AK5: variants seen among roughly 807,000 people sequenced by gnomAD.
AK5 encodes adenylate kinase 5, also known as adenylate kinase isoenzyme 5.
Under a neutral mutation model 69.5 loss-of-function variants are expected in AK5, and 27 were observed. The ratio of observed to expected loss-of-function variants is 0.39; its 90% CI spans 0.29 to 0.54. The LOEUF (loss-of-function observed/expected upper bound fraction) is 0.54. Among genes scored for constraint, AK5 ranks in the 20% least tolerant of loss-of-function variants. The probability of loss-of-function intolerance (pLI) is 0.71; values close to 1 mark genes in which losing one functional copy is unlikely to be tolerated. For synonymous variants in AK5, 260 were observed against 244.4 expected, an observed-to-expected ratio of 1.06 and a Z score of -0.60; for missense variants, 531 against 700.4, an observed-to-expected ratio of 0.76 and a Z score of 2.73.
chr1:77,339,304 C>T (rs1661527067), intron 5 of AK5, among the ~76,000 whole-genome samples: 1 of 152,130 alleles, frequency 6.6e-6, no homozygotes, highest in African/African-American at 2.4e-5. Context: ...TTGCCTCGTC[C>T]CATTCTCAGT....
intron 5 of AK5, among the ~76,000 whole-genome samples, chr1:77,316,596 T>C (rs1257615408): frequency 6.6e-6 from 1 of 152,170 alleles, no homozygotes; most frequent in Admixed American, 6.5e-5. Flanking sequence ...GGGAGACAAA[T>C]TTGATTTCCT....
intron 10 of AK5, among the ~76,000 whole-genome samples, chr1:77,509,695 T>G (rs902421090): frequency 1.4e-4 from 21 of 152,214 alleles, no homozygotes; most frequent in African/African-American, 4.8e-4. Flanking sequence ...CAAAAGATAT[T>G]TGATCCTCTC....
At chr1:77,449,230 G>C (rs773662066) in intron 8 of AK5, among the ~76,000 whole-genome samples, 25 of 152,140 alleles carry the variant, frequency 1.6e-4, no homozygotes, top group Non-Finnish European at 3.4e-4. Flanking sequence ...AGAAGAGGGG[G>C]GTATACCCTG....
chr1:77,380,073 A>G (rs1196308685), intron 6 of AK5, among the ~76,000 whole-genome samples: 2 of 152,224 alleles, frequency 1.3e-5, no homozygotes, highest in Non-Finnish European at 2.9e-5. Context: ...GAATACTATT[A>G]AGAAGGCAGA....
intron 6 of AK5, among the ~76,000 whole-genome samples, chr1:77,347,919 A>G (rs910049067): frequency 7.9e-5 from 12 of 152,138 alleles, no homozygotes; most frequent in Non-Finnish European, 1.5e-4. Context: ...AAAGCAAACC[A>G]AATGACTCAG....
At chr1:77,505,711 AAAAT>A (rs1333789493) in intron 10 of AK5, among the ~76,000 whole-genome samples, 2 of 151,564 alleles carry the variant, frequency 1.3e-5, no homozygotes, top group African/African-American at 4.9e-5. Context: ...TACTAAAAAT[AAAAT>A]AAAGTAAAAA....
At chr1:77,409,607 T>C (rs1251095291) in intron 6 of AK5, among the ~76,000 whole-genome samples, 2 of 152,202 alleles carry the variant, frequency 1.3e-5, no homozygotes, top group East Asian at 3.8e-4. Flanking sequence ...TCTTGTAAAT[T>C]TGTTTAAGTT....
chr1:77,291,087 G>T (rs778192177), intron 2 of AK5, among the ~76,000 whole-genome samples: 29 of 152,146 alleles, frequency 1.9e-4, no homozygotes, highest in Non-Finnish European at 3.4e-4. Flanking sequence ...TTGTACCAGG[G>T]AACAGAGAAG....
At chr1:77,485,889 G>A in intron 9 of AK5, among the ~76,000 whole-genome samples, 1 of 152,184 alleles carries the variant, frequency 6.6e-6, no homozygotes. Flanking sequence ...GGCCAAGGCA[G>A]GTGGATCACT....
intron 8 of AK5, among the ~76,000 whole-genome samples, chr1:77,444,758 T>C (rs988349308): frequency 2.7e-5 from 4 of 148,474 alleles, no homozygotes; most frequent in Middle Eastern, 3.5e-3. Context: ...TCTGTAGAGA[T>C]TGGGGGGAGG....
intron 10 of AK5, among the ~76,000 whole-genome samples, chr1:77,503,934 A>G (rs927900561): frequency 6.6e-6 from 1 of 151,972 alleles, no homozygotes; most frequent in Admixed American, 6.6e-5. Context: ...GTTGAAAAAA[A>G]TTTTTCACTG....
At position 77,558,688 on chromosome 1, in the gene AK5, T is replaced by G. The variant is rs1191264936; in HGVS notation, c.*18T>G. 4 of 1,486,676 alleles carry G rather than the reference T, an allele frequency of 2.7e-6. No individual in the cohort carries two copies. The highest frequency in any genetic ancestry group is 3.7e-6 in the Non-Finnish European group (4 of 1,073,408). 92.1% of individuals were successfully genotyped at this position (1,486,676 alleles called of 1,614,324 possible). A position where few individuals can be genotyped will look rare whatever the true frequency, so the allele number is the denominator to read the frequency against. On this transcript the variant is annotated 3_prime_UTR_variant, in exon 14 of 14. Transcript: ENST00000354567. ...TTTTCTGAAGGCAAAAATGCATGTT[T>G]GTTAGAATGGAAACAGAAAAACATT...
intron 8 of AK5, among the ~76,000 whole-genome samples, chr1:77,431,900 G>A (rs1310850341): frequency 1.3e-5 from 2 of 152,188 alleles, no homozygotes; most frequent in Non-Finnish European, 2.9e-5. Flanking sequence ...AGTAACAAAG[G>A]TGGTGTCAGT....
intron 6 of AK5, chr1:77,349,401 A>G (rs1223631598): frequency 6.6e-6 from 1 of 152,230 alleles, no homozygotes; most frequent in African/African-American, 2.4e-5. Flanking sequence ...TAAATGAGAA[A>G]AACGAAAGCA....
intron 5 of AK5, among the ~76,000 whole-genome samples, chr1:77,312,519 G>A (rs1660016526): frequency 6.6e-6 from 1 of 151,868 alleles, no homozygotes. Flanking sequence ...AGAGGCTGAG[G>A]CAGGAGAATC....
intron 5 of AK5, among the ~76,000 whole-genome samples, chr1:77,334,775 T>G (rs1442106800): frequency 6.6e-6 from 1 of 152,144 alleles, no homozygotes; most frequent in East Asian, 1.9e-4. Context: ...TCACACATAC[T>G]CTGATGGTAT....
intron 5 of AK5, among the ~76,000 whole-genome samples, chr1:77,320,188 A>G (rs933149933): frequency 6.6e-6 from 1 of 152,130 alleles, no homozygotes; most frequent in Non-Finnish European, 1.5e-5. Flanking sequence ...ATGAGAACTC[A>G]GTATCATGAG....
At chr1:77,374,395 C>G (rs1570463529) in intron 6 of AK5, among the ~76,000 whole-genome samples, 1 of 146,420 alleles carries the variant, frequency 6.8e-6, no homozygotes, top group African/African-American at 2.5e-5. Flanking sequence ...CAGTTCAGTC[C>G]TTTTATGCCA....
chr1:77,486,787 T>C (rs1655633769), intron 10 of AK5, among the ~76,000 whole-genome samples: 1 of 152,194 alleles, frequency 6.6e-6, no homozygotes, highest in Non-Finnish European at 1.5e-5. Flanking sequence ...ACCCCAAGTT[T>C]TCCGGTTATT....
Sources: gnomAD v4.1 joint callset for allele counts (sites outside exome capture counted in the v4.1 genomes callset) on GRCh38, gnomAD v4.1.1 for gene constraint, MANE v1.5 for transcripts, NCBI Gene and HGNC (gene_info 2026-07-23, HGNC 2026-07-21) for gene names.